LRRC37A2: variants seen among roughly 807,000 people sequenced by gnomAD.
The protein encoded by LRRC37A2 is leucine rich repeat containing 37 member A2.
A neutral mutation model predicts 68.8 loss-of-function variants in LRRC37A2; 9 were observed. The ratio of observed to expected loss-of-function variants is 0.13; its 90% CI spans 0.08 to 0.23. LRRC37A2 has a LOEUF of 0.23. Among genes scored for constraint, LRRC37A2 ranks in the 10% least tolerant of loss-of-function variants. LRRC37A2 has a pLI of 1.00. For synonymous variants in LRRC37A2, 63 were observed against 367.6 expected (o/e 0.17, Z 9.48); for missense variants, 168 against 950.4 (o/e 0.18, Z 10.82).
At chr17:46,872,008 G>C in the LRRC37A2 span, among the ~76,000 whole-genome samples, 19,799 of 152,150 alleles carry the variant, frequency 0.13, 1,402 homozygotes, top group Non-Finnish European at 0.16. Context: ...GGGGACCTTG[G>C]CTGGGTGTCC....
At chr17:46,500,827 T>C in the LRRC37A2 span, among the ~76,000 whole-genome samples, 1 of 151,104 alleles carries the variant, frequency 6.6e-6, no homozygotes. Flanking sequence ...TATCAGATTA[T>C]AGGGAAGTGT....
At chr17:46,903,681 G>A in the LRRC37A2 span, among the ~76,000 whole-genome samples, 3 of 152,004 alleles carry the variant, frequency 2.0e-5, no homozygotes, top group South Asian at 2.1e-4. Flanking sequence ...ACAGGTGGGC[G>A]GATGTATGGG....
chr17:47,033,314 A>T, the LRRC37A2 span: 4 of 698,934 alleles, frequency 5.7e-6, no homozygotes, highest in East Asian at 8.0e-5. Context: ...CTGAAAAAGC[A>T]TTTACGTGAT....
the LRRC37A2 span, among the ~76,000 whole-genome samples, chr17:46,874,190 G>A: frequency 6.6e-6 from 1 of 152,148 alleles, no homozygotes; most frequent in Non-Finnish European, 1.5e-5. Context: ...ACCCAGCAGA[G>A]AGGAGTGTCG....
At chr17:46,995,206 C>T in the LRRC37A2 span, among the ~76,000 whole-genome samples, 1 of 152,276 alleles carries the variant, frequency 6.6e-6, no homozygotes, top group East Asian at 1.9e-4. Flanking sequence ...CACGGTCCCT[C>T]CCTCCCACAG....
At chr17:46,795,777 A>G in the LRRC37A2 span, among the ~76,000 whole-genome samples, 2 of 152,266 alleles carry the variant, frequency 1.3e-5, no homozygotes, top group South Asian at 4.1e-4. Context: ...TTGGTCTGTC[A>G]TGAAGGTGCT....
chr17:47,018,834 G>C, the LRRC37A2 span: 2 of 1,520,758 alleles, frequency 1.3e-6, no homozygotes, highest in South Asian at 2.2e-5. Context: ...TCAACCTTTG[G>C]ATCTGGGGTT....
the LRRC37A2 span, among the ~76,000 whole-genome samples, chr17:46,490,091 A>G: frequency 1.3e-5 from 2 of 151,018 alleles, no homozygotes; most frequent in Non-Finnish European, 2.9e-5. Flanking sequence ...ACTCACCTGT[A>G]CAGTATAGGA....
chr17:46,831,028 T>G, the LRRC37A2 span: 1 of 341,600 alleles, frequency 2.9e-6, no homozygotes, highest in Non-Finnish European at 5.2e-6. Context: ...TCTTTTCAGT[T>G]GACGTTATTA....
chr17:47,012,872 A>AAATG, the LRRC37A2 span, among the ~76,000 whole-genome samples: 1 of 152,240 alleles, frequency 6.6e-6, no homozygotes, highest in Non-Finnish European at 1.5e-5. Flanking sequence ...TACTCCAAAG[A>AAATG]AATGAAAACA....
the LRRC37A2 span, among the ~76,000 whole-genome samples, chr17:46,778,679 C>G: frequency 6.6e-6 from 1 of 152,184 alleles, no homozygotes. Flanking sequence ...TTCTTTGTGC[C>G]AAAGTGTGCG....
At chr17:46,768,630 C>A in the LRRC37A2 span, 1 of 1,614,038 alleles carries the variant, frequency 6.2e-7, no homozygotes, top group Non-Finnish European at 8.5e-7. The surrounding 1 kb of genome is among the most constrained non-coding windows in gnomAD (Gnocchi z 5.0). Context: ...CACCCAGCCT[C>A]GGGACTCACG....
the LRRC37A2 span, among the ~76,000 whole-genome samples, chr17:46,708,007 T>C: frequency 3.5e-4 from 50 of 144,402 alleles, no homozygotes; most frequent in Non-Finnish European, 2.1e-4. Flanking sequence ...CACGCCAGCC[T>C]GGTGACAGAG....
the LRRC37A2 span, among the ~76,000 whole-genome samples, chr17:46,869,930 T>A: frequency 6.6e-6 from 1 of 151,394 alleles, no homozygotes; most frequent in Admixed American, 6.6e-5. Context: ...ACCCGGGAAG[T>A]GGAGGTTACA....
chr17:46,479,513 CTT>C, the LRRC37A2 span, among the ~76,000 whole-genome samples: 1 of 106,866 alleles, frequency 9.4e-6, no homozygotes, highest in African/African-American at 3.3e-5. Context: ...AATTATTTTT[CTT>C]TTTTTTTTTT....
chr17:46,968,416 C>T, the LRRC37A2 span, among the ~76,000 whole-genome samples: 25 of 152,384 alleles, frequency 1.6e-4, no homozygotes, highest in East Asian at 1.9e-4. Flanking sequence ...CCCACGCTTA[C>T]ATCCTAAAGC....
the LRRC37A2 span, chr17:46,979,357 A>G: frequency 5.6e-6 from 1 of 177,770 alleles, no homozygotes; most frequent in African/African-American, 2.4e-5. Flanking sequence ...GAGGGGCGGG[A>G]ATCCCGCCGC....
At chr17:46,854,129 G>A in the LRRC37A2 span, among the ~76,000 whole-genome samples, 13 of 152,284 alleles carry the variant, frequency 8.5e-5, no homozygotes, top group East Asian at 2.5e-3. Context: ...CAGAGAATCA[G>A]CTAAAACTGG....
At chr17:46,549,283 T>G in exon 10 of LRRC37A2, 1 of 1,610,748 alleles carries the variant, frequency 6.2e-7, no homozygotes, top group Non-Finnish European at 8.5e-7. Context: ...TTCAGAACAT[T>G]TTATAGAAAA....
Sources: allele counts gnomAD v4.1 joint callset (sites outside exome capture counted in the v4.1 genomes callset), GRCh38; gene constraint gnomAD v4.1.1; non-coding constraint Gnocchi (gnomAD v3.1); transcripts MANE v1.5; gene names NCBI Gene and HGNC (gene_info 2026-07-23, HGNC 2026-07-21).